The following NFXL1 variants were observed in gnomAD, a reference collection of about 807,000 sequenced individuals.
NFXL1 encodes nuclear transcription factor, X-box binding like 1, also known as NF-X1-type zinc finger protein NFXL1.
In NFXL1, 66 loss-of-function variants were observed where a neutral mutation model predicts 123.3. That is an observed-to-expected ratio of 0.54 (90% CI 0.44 to 0.66). NFXL1 has a LOEUF of 0.66. Ranked by LOEUF, NFXL1 falls within the 30% of genes least tolerant of loss-of-function variation. The probability of loss-of-function intolerance (pLI) is 0.00; values close to 1 mark genes in which losing one functional copy is unlikely to be tolerated. For missense variants in NFXL1, 944 were observed against 1,125.6 expected, an observed-to-expected ratio of 0.84 and a Z score of 2.31; for synonymous variants, 346 against 360.8, an observed-to-expected ratio of 0.96 and a Z score of 0.46.
intron 5 of NFXL1, 57 bp from the exon 6 acceptor site, chr4:47,899,605 G>T: frequency 9.2e-7 from 1 of 1,085,796 alleles, no homozygotes; most frequent in Admixed American, 1.9e-5. Context: ...CAACATGAGA[G>T]ACAGAAATAT....
chr4:47,901,193 AT>A (rs1369985026), intron 5 of NFXL1, among the ~76,000 whole-genome samples: 1 of 152,180 alleles, frequency 6.6e-6, no homozygotes, highest in South Asian at 2.1e-4. Context: ...TATATTTTAA[AT>A]TTTTTATTTC....
intron 8 of NFXL1, 30 bp downstream of exon 8, chr4:47,898,727 A>C: frequency 1.9e-4 from 145 of 764,310 alleles, no homozygotes; most frequent in Non-Finnish European, 3.2e-4. Flanking sequence ...ACTCTTTAAT[A>C]CCCACCCCTC....
chr4:47,857,885 A>T (rs1190233776), intron 19 of NFXL1, among the ~76,000 whole-genome samples: 1 of 152,184 alleles, frequency 6.6e-6, no homozygotes, highest in East Asian at 1.9e-4. Context: ...CCCCCTTAGG[A>T]TGCAGAGATC....
At chr4:47,857,600 A>C (rs905017723) in intron 19 of NFXL1, among the ~76,000 whole-genome samples, 1 of 152,162 alleles carries the variant, frequency 6.6e-6, no homozygotes, top group African/African-American at 2.4e-5. Flanking sequence ...TCTGCCTTCA[A>C]TAAATGTATC....
Position 47,905,275 on chromosome 4 carries a change from A to G in NFXL1, c.478T>C (p.Cys160Arg). The G allele has an allele frequency of 1.9e-6, 3 of 1,594,210 alleles. No homozygotes were observed. Among genetic ancestry groups the G allele is most frequent in the Non-Finnish European group, 8.6e-7 (1 of 1,163,848 alleles). Reference protein sequence around the residue: ...NEAFQAGAMTCLICIASVKRN... With the variant: ...NEAFQAGAMTRLICIASVKRN... ...TTCACCGAAGCAATACAAATTAGGC[A>G]TGTCATAGCCCCTGCTTGAAAAGCT... Residue 160 changes from cysteine (C) to arginine (R), a missense_variant, in exon 4 of 23, where the codon TGC becomes CGC. Transcript: ENST00000507489.
At chr4:47,861,081 G>T (rs1024940787) in intron 19 of NFXL1, among the ~76,000 whole-genome samples, 1 of 148,564 alleles carries the variant, frequency 6.7e-6, no homozygotes, top group African/African-American at 2.5e-5. Context: ...GGCTGGTCTC[G>T]AACTCCTCAC....
chr4:47,882,989 G>A (rs1020619652), intron 15 of NFXL1, among the ~76,000 whole-genome samples: 5 of 152,130 alleles, frequency 3.3e-5, no homozygotes, highest in Admixed American at 6.5e-5. Flanking sequence ...TCCTAGTCTT[G>A]TTCCTGTTAT....
At chr4:47,867,745 T>C (rs891244496) in intron 18 of NFXL1, among the ~76,000 whole-genome samples, 1 of 152,046 alleles carries the variant, frequency 6.6e-6, no homozygotes, top group African/African-American at 2.4e-5. Context: ...GCATCAAATT[T>C]CTCAAAAGTA....
rs547033039 is a variant in NFXL1, at chr4:47,874,715, C to G, written c.2246+412G>C. ...CTTGCTCAATGCAGGTTGACAAACT[C>G]CAATTTGTAAAAAACTCAGTATCTG... On this transcript the variant is annotated intron_variant, in intron 18 of 22. Transcript: ENST00000507489. 6.4e-4 allele frequency among the ~76,000 whole-genome samples: 90 copies of G among 139,646 alleles called. No homozygotes were observed. The Middle Eastern group carries it at 0.011, about 17-fold the overall frequency. 91.6% of individuals were successfully genotyped at this position (139,646 alleles called of 152,430 possible).
intron 22 of NFXL1, among the ~76,000 whole-genome samples, chr4:47,848,623 C>T (rs1385949534): frequency 2.0e-5 from 3 of 152,154 alleles, no homozygotes; most frequent in Non-Finnish European, 4.4e-5. Flanking sequence ...GGCACGGTGG[C>T]TCACGCCTGT....
At position 47,910,972 on chromosome 4, in the gene NFXL1, A is replaced by T; in HGVS notation, c.258T>A (p.Phe86Leu). Residue 86 changes from phenylalanine to leucine, a missense_variant, in exon 3 of 23, where the codon TTT becomes TTA. Physicochemically the swap from Phe to Leu is conservative, Grantham distance 22. Around this residue, in one of 4 missense-constraint regions of NFXL1, gnomAD observed 303 missense variants for 292.1 expected, o/e 1.04. Transcript: ENST00000507489. The stretch of plus-strand genomic sequence containing the variant: ...CTTGGTTAGCTTTCTTGATTTCTTC[A>T]AATTTTTTCTGAGACATTAGCTCTG... Reference protein sequence around the residue: ...AASELMSQKKFEEIKKANQAA... With the variant: ...AASELMSQKKLEEIKKANQAA... 6.2e-7 allele frequency: 1 copy of T among 1,600,776 alleles called. No homozygotes were observed. Among genetic ancestry groups the T allele is most frequent in the South Asian group, 1.1e-5 (1 of 88,306 alleles).
chr4:47,889,948 T>C (rs1395476826), intron 12 of NFXL1, among the ~76,000 whole-genome samples: 2 of 152,194 alleles, frequency 1.3e-5, no homozygotes, highest in East Asian at 3.8e-4. Flanking sequence ...TTAAAGACAT[T>C]TGTAAAAATG....
intron 19 of NFXL1, among the ~76,000 whole-genome samples, chr4:47,858,662 T>C (rs1217662649): frequency 3.3e-5 from 5 of 152,194 alleles, no homozygotes; most frequent in Non-Finnish European, 7.3e-5. Context: ...CAGATATATA[T>C]ACTGGTAGTA....
intron 3 of NFXL1, among the ~76,000 whole-genome samples, chr4:47,910,087 C>A (rs1358148194): frequency 6.6e-6 from 1 of 152,122 alleles, no homozygotes; most frequent in African/African-American, 2.4e-5. Context: ...ATCACTTTGG[C>A]CCTCTCTCAC....
At position 47,878,544 on chromosome 4, in the gene NFXL1, C is replaced by G; in HGVS notation, c.2060G>C (p.Gly687Ala). 3 of 1,584,884 alleles carry G rather than the reference C, an allele frequency of 1.9e-6. No individual in the cohort carries two copies. Among genetic ancestry groups the G allele is most frequent in the Non-Finnish European group, 2.6e-6 (3 of 1,166,836 alleles). Residue 687 changes from glycine (G) to alanine (A), a missense_variant, in exon 17 of 23, where the codon GGC becomes GCC. Coordinates refer to ENST00000507489, the MANE Select transcript of NFXL1 (RefSeq NM_001278624.2). ...KECHKVTKTD[G>A]CTGKNKAGPE... ...CATTACCTTGTTTTTTCCAGTGCAG[C>G]CATCAGTTTTGGTTACTTTGTGGCA...
rs1733927648 is a variant in NFXL1 at position 47,848,331 on chromosome 4, T to C, written c.2568A>G (p.Glu856=). The C allele has an allele frequency of 6.3e-7, 1 of 1,596,686 alleles. No individual in the cohort carries two copies. The highest frequency in any genetic ancestry group is 8.5e-7 in the Non-Finnish European group (1 of 1,171,026). The part of the protein sequence containing the change: ...LEEEKRRQQA[E]LEAFENRLKG... ...TCAGTCTGTTTTCAAAAGCTTCTAGTTCAGCCTAAATAAAAACAGCATCAT... is the reference window on the plus strand; with the variant it reads ...TCAGTCTGTTTTCAAAAGCTTCTAGCTCAGCCTAAATAAAAACAGCATCAT... The change falls in exon 23 of 23, where the codon GAA becomes GAG. Residue 856 remains glutamate (E), a synonymous_variant. Transcript: ENST00000507489.
At chr4:47,884,259 G>C in intron 15 of NFXL1, 87 bp downstream of exon 15, 3 of 724,840 alleles carry the variant, frequency 4.1e-6, no homozygotes, top group South Asian at 3.6e-5. Flanking sequence ...ACTGAACTAA[G>C]AAAAAAGGGA....
intron 2 of NFXL1, among the ~76,000 whole-genome samples, chr4:47,911,330 T>A (rs576677073): frequency 6.6e-6 from 1 of 152,332 alleles, no homozygotes; most frequent in Admixed American, 6.5e-5. Context: ...AAAATTAAGA[T>A]GTTTTAAAGT....
intron 11 of NFXL1, among the ~76,000 whole-genome samples, chr4:47,893,489 C>G (rs1202394098): frequency 6.6e-6 from 1 of 151,972 alleles, no homozygotes; most frequent in Non-Finnish European, 1.5e-5. Context: ...GGAACAGATA[C>G]AACAATCACA....
Sources: allele counts gnomAD v4.1 joint callset (sites outside exome capture counted in the v4.1 genomes callset), GRCh38; gene constraint gnomAD v4.1.1; regional missense constraint gnomAD v4.1.1; transcripts MANE v1.5; gene names NCBI Gene and HGNC (gene_info 2026-07-23, HGNC 2026-07-21).